SLC24A2: variants seen among roughly 807,000 people sequenced by gnomAD.
SLC24A2 encodes the protein sodium/potassium/calcium exchanger 2.
A neutral mutation model predicts 62.0 loss-of-function variants in SLC24A2; 36 were observed. The observed-to-expected ratio is 0.58, with a 90% CI of 0.44 to 0.77. The LOEUF is 0.77. SLC24A2 is among the 30% of genes least tolerant of loss of function. The probability of loss-of-function intolerance (pLI) is 0.00; values close to 1 mark genes in which losing one functional copy is unlikely to be tolerated. For missense variants in SLC24A2, 846 were observed against 817.9 expected, an observed-to-expected ratio of 1.03 and a Z score of -0.42; for synonymous variants, 358 against 294.0, an observed-to-expected ratio of 1.22 and a Z score of -2.23.
chr9:19,650,716 GCA>G (rs1043389575), intron 2 of SLC24A2, among the ~76,000 whole-genome samples: 7 of 106,476 alleles, frequency 6.6e-5, no homozygotes, highest in African/African-American at 2.7e-4. Context: ...ACAAAACATG[GCA>G]CGCGCACACA....
At chr9:19,590,070 G>A (rs1836504026) in intron 5 of SLC24A2, among the ~76,000 whole-genome samples, 1 of 152,120 alleles carries the variant, frequency 6.6e-6, no homozygotes, top group Admixed American at 6.6e-5. Context: ...CTAGACTTAA[G>A]AGGGTCCCCA....
chr9:19,531,851 G>A (rs961453203), intron 8 of SLC24A2, among the ~76,000 whole-genome samples: 21 of 152,092 alleles, frequency 1.4e-4, no homozygotes, highest in African/African-American at 1.9e-4. Context: ...TAAAATGGGA[G>A]AAATAACATC....
At chr9:19,525,768 T>G (rs1394956429) in intron 9 of SLC24A2, among the ~76,000 whole-genome samples, 1 of 131,804 alleles carries the variant, frequency 7.6e-6, no homozygotes, top group Non-Finnish European at 1.5e-5. Flanking sequence ...TGCTACTGTT[T>G]TTTTTTTTTT....
chr9:20,228,623 G>A, the SLC24A2 span, among the ~76,000 whole-genome samples: 3,406 of 152,222 alleles, frequency 0.022, 135 homozygotes, highest in African/African-American at 0.077. Flanking sequence ...CCCTAAGAGA[G>A]AAGAAGGGTG....
chr9:20,230,503 C>A, the SLC24A2 span, among the ~76,000 whole-genome samples: 1 of 152,158 alleles, frequency 6.6e-6, no homozygotes, highest in Non-Finnish European at 1.5e-5. Flanking sequence ...ACCATTTTTT[C>A]ATGTGTCTTT....
chr9:19,964,020 C>G, the SLC24A2 span, among the ~76,000 whole-genome samples: 8 of 151,964 alleles, frequency 5.3e-5, no homozygotes, highest in East Asian at 5.8e-4. Flanking sequence ...ACATATACAC[C>G]ATGGAATACT....
intron 2 of SLC24A2, among the ~76,000 whole-genome samples, chr9:19,785,114 G>A (rs577510153): frequency 5.3e-4 from 80 of 152,268 alleles, no homozygotes; most frequent in Non-Finnish European, 1.0e-3. Flanking sequence ...TACCACATAC[G>A]ATTGTATTGA....
At chr9:19,915,433 C>A in the SLC24A2 span, among the ~76,000 whole-genome samples, 1 of 152,040 alleles carries the variant, frequency 6.6e-6, no homozygotes, top group Non-Finnish European at 1.5e-5. Flanking sequence ...ATTTTCAATT[C>A]TCTTGGGCAT....
chr9:19,628,079 G>A (rs1286473806), intron 2 of SLC24A2, among the ~76,000 whole-genome samples: 1 of 152,126 alleles, frequency 6.6e-6, no homozygotes, highest in Non-Finnish European at 1.5e-5. Context: ...CCTTCAGTTA[G>A]CCTCCCTAAT....
the SLC24A2 span, among the ~76,000 whole-genome samples, chr9:20,168,832 C>T: frequency 4.6e-5 from 7 of 152,084 alleles, no homozygotes; most frequent in East Asian, 1.9e-4. Context: ...CCACATGACC[C>T]GGCAGTTTCA....
the SLC24A2 span, among the ~76,000 whole-genome samples, chr9:19,868,438 G>C: frequency 2.0e-5 from 3 of 152,082 alleles, no homozygotes; most frequent in Non-Finnish European, 4.4e-5. Context: ...TTGTGTGCTT[G>C]GAAAGAATTT....
intron 7 of SLC24A2, among the ~76,000 whole-genome samples, chr9:19,567,634 T>C (rs1029817977): frequency 6.6e-6 from 1 of 150,872 alleles, no homozygotes; most frequent in Non-Finnish European, 1.5e-5. Context: ...CATAATGTGA[T>C]TAATTTATAT....
chr9:20,268,935 C>A, the SLC24A2 span, among the ~76,000 whole-genome samples: 3 of 152,212 alleles, frequency 2.0e-5, no homozygotes, highest in Non-Finnish European at 2.9e-5. Flanking sequence ...GGGATATCAT[C>A]TTCAACAGCC....
the SLC24A2 span, among the ~76,000 whole-genome samples, chr9:20,223,225 C>T: frequency 9.2e-5 from 14 of 152,220 alleles, no homozygotes; most frequent in African/African-American, 3.1e-4. Context: ...AGCTTTAAAA[C>T]AGCATTGAAG....
At chr9:20,074,045 T>G in the SLC24A2 span, among the ~76,000 whole-genome samples, 8 of 151,718 alleles carry the variant, frequency 5.3e-5, no homozygotes, top group African/African-American at 1.9e-4. Flanking sequence ...CCCAGAATTA[T>G]GAAAAAAGCA....
intron 2 of SLC24A2, among the ~76,000 whole-genome samples, chr9:19,719,555 A>C (rs1409245137): frequency 6.6e-6 from 1 of 152,158 alleles, no homozygotes; most frequent in South Asian, 2.1e-4. Flanking sequence ...AACCTCCATT[A>C]ACGATAGAGG....
chr9:19,780,413 G>T (rs572371519), intron 2 of SLC24A2, among the ~76,000 whole-genome samples: 1 of 151,110 alleles, frequency 6.6e-6, no homozygotes, highest in Non-Finnish European at 1.5e-5. Context: ...GATTACAGGC[G>T]CCTGCCACTG....
At chr9:19,804,467 A>T in the SLC24A2 span, among the ~76,000 whole-genome samples, 2 of 152,132 alleles carry the variant, frequency 1.3e-5, no homozygotes, top group Non-Finnish European at 2.9e-5. Context: ...CATTGCTAGT[A>T]TATAGAAATA....
At position 19,632,722 on chromosome 9, in the gene SLC24A2, C is replaced by G. The variant is rs2117999330; in HGVS notation, c.931-10423G>C. Among the ~76,000 whole-genome samples the G allele has an allele frequency of 6.6e-6, 1 of 152,304 alleles. No individual in the cohort carries two copies. Among genetic ancestry groups the G allele is most frequent in the African/African-American group, 2.4e-5 (1 of 41,562 alleles). ...CCATGCGCCCTTTACCCAACCTCCT[C>G]CAATGATAACATCTTGCACAACTAT... On this transcript the variant is annotated intron_variant, in intron 2 of 10. Transcript: ENST00000341998. The surrounding 1 kb of genome is among the most constrained non-coding windows in gnomAD (Gnocchi z 4.5).
Sources: gnomAD v4.1 joint callset for allele counts (sites outside exome capture counted in the v4.1 genomes callset) on GRCh38, gnomAD v4.1.1 for gene constraint, Gnocchi (gnomAD v3.1) non-coding constraint, MANE v1.5 for transcripts, NCBI Gene and HGNC (gene_info 2026-07-23, HGNC 2026-07-21) for gene names.